Variants in GRM7 observed in about 807,000 individuals in gnomAD.
The protein encoded by GRM7 is glutamate metabotropic receptor 7.
A neutral mutation model predicts 84.5 loss-of-function variants in GRM7; 35 were observed. The observed-to-expected ratio is 0.41, with a 90% CI of 0.32 to 0.55. GRM7 has a LOEUF of 0.55. GRM7 is among the 20% of genes least tolerant of loss of function. GRM7 has a pLI of 0.19. For synonymous variants in GRM7, 487 were observed against 455.1 expected, an observed-to-expected ratio of 1.07 and a Z score of -0.89; for missense variants, 1,003 against 1,194.6, an observed-to-expected ratio of 0.84 and a Z score of 2.36.
intron 1 of GRM7, among the ~76,000 whole-genome samples, chr3:7,076,343 AG>A (rs1698076200): frequency 6.6e-6 from 1 of 152,120 alleles, no homozygotes; most frequent in Admixed American, 6.5e-5. Context: ...CCACATGTTG[AG>A]GGAAGGGCCT....
At chr3:7,636,166 G>T in intron 8 of GRM7, 1 of 454,858 alleles carries the variant, frequency 2.2e-6, no homozygotes, top group African/African-American at 2.0e-5. Flanking sequence ...CCTAAACTGT[G>T]TCCACTAGGC....
rs984994931 is a variant in GRM7, at chr3:6,862,137, G to A, written c.519+230G>A. On this transcript the variant is annotated intron_variant, in intron 1 of 9. Coordinates refer to ENST00000357716, the MANE Select transcript of GRM7 (RefSeq NM_000844.4). This position sits in a 1 kb window ranked among gnomAD's most constrained non-coding sequence, Gnocchi z 5.2. ...CTCCACTCCATCCGGCTTGACATCT[G>A]GATTTATGGCCCCATTTACAAGAAG... Among the ~76,000 whole-genome samples the A allele has an allele frequency of 1.3e-5, 2 of 152,034 alleles. No homozygotes were observed. Among genetic ancestry groups the A allele is most frequent in the African/African-American group, 4.8e-5 (2 of 41,388 alleles).
At chr3:7,096,350 T>C (rs902573765) in intron 1 of GRM7, among the ~76,000 whole-genome samples, 1 of 152,128 alleles carries the variant, frequency 6.6e-6, no homozygotes, top group Non-Finnish European at 1.5e-5. Context: ...TTCTGATAGA[T>C]TGGCTATAAG....
chr3:6,997,600 C>T (rs1005734227), intron 1 of GRM7, among the ~76,000 whole-genome samples: 2 of 152,158 alleles, frequency 1.3e-5, no homozygotes, highest in African/African-American at 4.8e-5. Flanking sequence ...CTTCCCACAA[C>T]ATGTGGGGAT....
intron 7 of GRM7, among the ~76,000 whole-genome samples, chr3:7,568,768 C>T (rs1018690653): frequency 2.6e-5 from 4 of 152,146 alleles, no homozygotes; most frequent in African/African-American, 4.8e-5. Flanking sequence ...TGTACTGGGT[C>T]CCCCAACAGT....
chr3:7,012,241 G>A lies in GRM7; in HGVS notation c.520-134211G>A, dbSNP rs115875286. On this transcript the variant is annotated intron_variant, in intron 1 of 9. Transcript: ENST00000357716. ...TGAGGATCCTAGTTCACTCAAGGCA[G>A]CATGGTTTATCTGAAGGAAACAATC... Among the ~76,000 whole-genome samples the A allele has an allele frequency of 9.9e-3, 1,504 of 152,254 alleles. 27 individuals are homozygous for A. Among genetic ancestry groups the A allele is most frequent in the African/African-American group, 0.033 (1,367 of 41,540 alleles).
At chr3:7,276,802 C>T (rs13098179) in intron 2 of GRM7, among the ~76,000 whole-genome samples, 69,898 of 72,198 alleles carry the variant, frequency 0.97, 34,486 homozygotes, top group Middle Eastern at 1. Flanking sequence ...TTCCTTCCTT[C>T]CTTTTTGGTG....
chr3:7,344,161 G>T (rs1312383507), intron 4 of GRM7, among the ~76,000 whole-genome samples: 1 of 151,806 alleles, frequency 6.6e-6, no homozygotes, highest in Non-Finnish European at 1.5e-5. Flanking sequence ...TGTGACATGG[G>T]GTTTTGTTGT....
intron 1 of GRM7, among the ~76,000 whole-genome samples, chr3:6,961,566 G>A (rs959728112): frequency 2.6e-5 from 4 of 152,012 alleles, no homozygotes; most frequent in African/African-American, 9.7e-5. Flanking sequence ...TCCATCAATC[G>A]CACTTTCTCC....
chr3:7,264,179 T>C (rs995783438), intron 2 of GRM7, among the ~76,000 whole-genome samples: 8 of 151,874 alleles, frequency 5.3e-5, no homozygotes, highest in African/African-American at 1.9e-4. Flanking sequence ...TACCGAGGGG[T>C]GTTCAGGCCA....
chr3:6,962,186 T>G (rs978352679), intron 1 of GRM7, among the ~76,000 whole-genome samples: 3 of 152,208 alleles, frequency 2.0e-5, no homozygotes. Flanking sequence ...GTTTGTCTAC[T>G]CCCACCTAAA....
At chr3:7,674,767 G>T (rs561162578) in intron 8 of GRM7, among the ~76,000 whole-genome samples, 3 of 152,294 alleles carry the variant, frequency 2.0e-5, no homozygotes, top group African/African-American at 7.2e-5. Context: ...TGTCACCCTT[G>T]TGTGCACAGC....
intron 1 of GRM7, among the ~76,000 whole-genome samples, chr3:6,895,740 AT>A (rs1344102969): frequency 6.6e-6 from 1 of 152,196 alleles, no homozygotes; most frequent in Non-Finnish European, 1.5e-5. Context: ...GCATAAGAAT[AT>A]TTGAATTGTA....
At chr3:7,448,930 G>C (rs1697645474) in intron 5 of GRM7, among the ~76,000 whole-genome samples, 1 of 151,712 alleles carries the variant, frequency 6.6e-6, no homozygotes, top group South Asian at 2.1e-4. Context: ...ATTTTATAAT[G>C]GTCGAAATGC....
intron 2 of GRM7, among the ~76,000 whole-genome samples, chr3:7,255,807 C>T (rs1486636049): frequency 2.0e-5 from 3 of 152,202 alleles, no homozygotes; most frequent in Admixed American, 6.5e-5. Flanking sequence ...CCAGCAATAA[C>T]ATGTCATACT....
intron 4 of GRM7, among the ~76,000 whole-genome samples, chr3:7,309,249 TA>T (rs762432115): frequency 6.6e-6 from 1 of 152,212 alleles, no homozygotes; most frequent in African/African-American, 2.4e-5. Flanking sequence ...CTATGAAAGT[TA>T]AAAAAGAAGA....
intron 1 of GRM7, among the ~76,000 whole-genome samples, chr3:6,871,700 C>T (rs1223360848): frequency 6.6e-6 from 1 of 152,032 alleles, no homozygotes; most frequent in Non-Finnish European, 1.5e-5. Context: ...GTTGTCTCAA[C>T]ACATCTATGA....
At chr3:7,445,516 C>A (rs1697468652) in intron 5 of GRM7, among the ~76,000 whole-genome samples, 1 of 152,098 alleles carries the variant, frequency 6.6e-6, no homozygotes, top group African/African-American at 2.4e-5. Flanking sequence ...CCCTGTGAAC[C>A]CCAGCATTCT....
At chr3:7,508,452 T>C (rs893234004) in intron 7 of GRM7, among the ~76,000 whole-genome samples, 11 of 152,156 alleles carry the variant, frequency 7.2e-5, no homozygotes, top group African/African-American at 2.7e-4. Context: ...ATAATATTAG[T>C]GTATAATTAT....
Sources: allele counts gnomAD v4.1 joint callset (sites outside exome capture counted in the v4.1 genomes callset), GRCh38; gene constraint gnomAD v4.1.1; non-coding constraint Gnocchi (gnomAD v3.1); transcripts MANE v1.5; gene names NCBI Gene and HGNC (gene_info 2026-07-23, HGNC 2026-07-21).